The following RABGAP1L variants were observed in gnomAD, a reference collection of about 807,000 sequenced individuals.
RABGAP1L encodes RAB GTPase activating protein 1 like.
RABGAP1L carries 63 observed loss-of-function variants against 137.7 expected under a neutral mutation model. That is an observed-to-expected ratio of 0.46 (90% confidence interval 0.37 to 0.56). The LOEUF is 0.56. RABGAP1L is among the 20% of genes least tolerant of loss of function. The probability of loss-of-function intolerance (pLI) is 0.00; values close to 1 mark genes in which losing one functional copy is unlikely to be tolerated. For missense variants in RABGAP1L, 1,095 were observed against 1,244.0 expected, an observed-to-expected ratio of 0.88 and a Z score of 1.80; for synonymous variants, 431 against 433.7, an observed-to-expected ratio of 0.99 and a Z score of 0.08.
chr1:174,540,770 A>C (rs552079387), intron 13 of RABGAP1L, among the ~76,000 whole-genome samples: 34 of 152,106 alleles, frequency 2.2e-4, no homozygotes, highest in Middle Eastern at 3.2e-3. Context: ...TTGTCTTGGC[A>C]ATGTGGGTTC....
chr1:174,851,788 T>TG (rs1021458848), intron 19 of RABGAP1L, among the ~76,000 whole-genome samples: 16 of 152,072 alleles, frequency 1.1e-4, no homozygotes, highest in African/African-American at 3.4e-4. Flanking sequence ...CCCAAAGTGT[T>TG]GGGATTACAA....
At chr1:174,339,324 A>G (rs1186882732) in intron 11 of RABGAP1L, among the ~76,000 whole-genome samples, 2 of 152,222 alleles carry the variant, frequency 1.3e-5, no homozygotes, top group African/African-American at 4.8e-5. Context: ...AGAGAAAAAG[A>G]AAAGCATGGT....
intron 4 of RABGAP1L, among the ~76,000 whole-genome samples, chr1:174,239,301 T>C (rs535512504): frequency 6.6e-6 from 1 of 152,178 alleles, no homozygotes; most frequent in Non-Finnish European, 1.5e-5. Context: ...TTCGATAATT[T>C]GTTTACTTGC....
chr1:174,462,513 T>G (rs1170953362), intron 13 of RABGAP1L, among the ~76,000 whole-genome samples: 1 of 152,188 alleles, frequency 6.6e-6, no homozygotes, highest in Non-Finnish European at 1.5e-5. Context: ...TTTTGACTTC[T>G]GCAAATGTGA....
chr1:174,552,461 A>G (rs570088063), intron 13 of RABGAP1L, among the ~76,000 whole-genome samples: 1 of 152,178 alleles, frequency 6.6e-6, no homozygotes, highest in African/African-American at 2.4e-5. Flanking sequence ...AGTAAGGATA[A>G]TGGCCTCCTG....
At chr1:174,431,774 G>A (rs542874269) in intron 13 of RABGAP1L, among the ~76,000 whole-genome samples, 4 of 152,260 alleles carry the variant, frequency 2.6e-5, no homozygotes, top group Admixed American at 2.6e-4. Flanking sequence ...TCAGAAGACA[G>A]TATTCGAATT....
intron 11 of RABGAP1L, among the ~76,000 whole-genome samples, chr1:174,311,211 G>A (rs916663996): frequency 2.6e-5 from 4 of 152,086 alleles, no homozygotes; most frequent in South Asian, 4.2e-4. Flanking sequence ...CAATCATGGC[G>A]GAAAGGGAAG....
chr1:174,901,354 A>G (rs779980683), intron 19 of RABGAP1L, among the ~76,000 whole-genome samples: 64 of 152,220 alleles, frequency 4.2e-4, no homozygotes, highest in Non-Finnish European at 7.3e-4. Flanking sequence ...GAAACTTACA[A>G]TAATGGCAGA....
intron 18 of RABGAP1L, among the ~76,000 whole-genome samples, chr1:174,810,600 G>A (rs1479591458): frequency 6.6e-6 from 1 of 151,994 alleles, no homozygotes; most frequent in South Asian, 2.1e-4. Flanking sequence ...TGATTTCTGG[G>A]TGCTTTTTTA....
intron 13 of RABGAP1L, among the ~76,000 whole-genome samples, chr1:174,625,029 A>C (rs1490030484): frequency 1.3e-5 from 2 of 151,156 alleles, no homozygotes; most frequent in Admixed American, 6.6e-5. Context: ...CTGACACCAC[A>C]CCTGGCTAAT....
intron 13 of RABGAP1L, among the ~76,000 whole-genome samples, chr1:174,525,105 A>G (rs1465830568): frequency 6.6e-6 from 1 of 152,138 alleles, no homozygotes; most frequent in Non-Finnish European, 1.5e-5. Flanking sequence ...CTTTTTGCTC[A>G]GGATTGCTTT....
intron 1 of RABGAP1L, among the ~76,000 whole-genome samples, chr1:174,207,820 A>G (rs1668607480): frequency 6.6e-6 from 1 of 152,042 alleles, no homozygotes. Flanking sequence ...TCCTGGTGTG[A>G]ATTTTGGTAC....
At chr1:174,706,326 G>A (rs1680043171) in intron 17 of RABGAP1L, among the ~76,000 whole-genome samples, 2 of 152,026 alleles carry the variant, frequency 1.3e-5, no homozygotes, top group African/African-American at 2.4e-5. Context: ...CCAGAATGAT[G>A]GATAGCAATG....
At chr1:174,216,916 A>G (rs1018972187) in intron 1 of RABGAP1L, among the ~76,000 whole-genome samples, 12 of 152,112 alleles carry the variant, frequency 7.9e-5, no homozygotes, top group African/African-American at 2.9e-4. Flanking sequence ...TTTCCGAAAA[A>G]AAATTAAATA....
intron 1 of RABGAP1L, among the ~76,000 whole-genome samples, chr1:174,188,986 A>G (rs1667011463): frequency 1.3e-5 from 2 of 152,144 alleles, no homozygotes; most frequent in Admixed American, 6.6e-5. Context: ...CTCTCTAGCT[A>G]TGAAAGTCTT....
intron 13 of RABGAP1L, among the ~76,000 whole-genome samples, chr1:174,446,938 G>A (rs183587677): frequency 1.1e-4 from 16 of 152,196 alleles, no homozygotes; most frequent in Admixed American, 8.5e-4. Flanking sequence ...AAATAAGCTC[G>A]GAGTATATTG....
At chr1:174,553,653 T>C (rs1334112224) in intron 13 of RABGAP1L, among the ~76,000 whole-genome samples, 1 of 152,210 alleles carries the variant, frequency 6.6e-6, no homozygotes, top group East Asian at 1.9e-4. Flanking sequence ...TTCTCACAAA[T>C]GTACATGTAA....
chr1:174,659,808 C>CATA (rs1676240895), intron 14 of RABGAP1L, among the ~76,000 whole-genome samples: 3 of 152,288 alleles, frequency 2.0e-5, no homozygotes, highest in Admixed American at 2.0e-4. Context: ...GCTGCTCACC[C>CATA]GTAGTTTTTT....
In RABGAP1L at chr1:174,863,233, C is replaced by A. The variant is rs200699645; in HGVS notation, c.2340+51273C>A. 3.7e-3 allele frequency among the ~76,000 whole-genome samples: 307 copies of A among 82,580 alleles called. 3 individuals carry two copies. Among genetic ancestry groups the A allele is most frequent in the South Asian group, 4.6e-3 (9 of 1,972 alleles). 54.2% of individuals were successfully genotyped at this position (82,580 alleles called of 152,430 possible). On this transcript the variant is annotated intron_variant, in intron 19 of 25. Transcript: ENST00000681986. ...TAATTTGTACATGAGTTGTTTGTAGCAAAAAAAAAAAAAAAGAAAAACAGT... is the reference window on the plus strand; with the variant it reads ...TAATTTGTACATGAGTTGTTTGTAGAAAAAAAAAAAAAAAAGAAAAACAGT...
Sources: allele counts gnomAD v4.1 joint callset (sites outside exome capture counted in the v4.1 genomes callset), GRCh38; gene constraint gnomAD v4.1.1; transcripts MANE v1.5; gene names NCBI Gene and HGNC (gene_info 2026-07-23, HGNC 2026-07-21).